TENM2: variants seen among roughly 807,000 people sequenced by gnomAD.
TENM2 encodes the protein teneurin-2.
In TENM2, 52 loss-of-function variants were observed where a neutral mutation model predicts 245.2. The observed-to-expected ratio is 0.21, with a 90% CI of 0.17 to 0.27. The LOEUF (loss-of-function observed/expected upper bound fraction) is 0.27, where lower values mean the gene tolerates loss of function less well. Ranked by LOEUF, TENM2 falls within the 10% of genes least tolerant of loss-of-function variation. The probability of loss-of-function intolerance (pLI) is 1.00; values close to 1 mark genes in which losing one functional copy is unlikely to be tolerated. For missense variants in TENM2, 3,046 were observed against 3,666.8 expected (o/e 0.83, Z 4.37); for synonymous variants, 1,363 against 1,438.9 (o/e 0.95, Z 1.19).
intron 27 of TENM2, among the ~76,000 whole-genome samples, chr5:168,252,646 C>A (rs1490702380): frequency 2.0e-5 from 3 of 151,686 alleles, no homozygotes; most frequent in Non-Finnish European, 4.4e-5. Context: ...TAGTTTGAGA[C>A]CAGCCTGAGT....
At chr5:167,698,258 T>C (rs1387306422) in intron 2 of TENM2, among the ~76,000 whole-genome samples, 6 of 152,250 alleles carry the variant, frequency 3.9e-5, no homozygotes, top group Non-Finnish European at 1.5e-5. Context: ...CATCTCTTTC[T>C]GTAAGATGAT....
intron 1 of TENM2, among the ~76,000 whole-genome samples, chr5:167,294,749 G>A (rs1374432465): frequency 6.6e-6 from 1 of 151,844 alleles, no homozygotes; most frequent in Non-Finnish European, 1.5e-5. Flanking sequence ...ATTTCAGTTT[G>A]CCACAGGCCC....
chr5:168,188,308 A>G (rs769992288), intron 13 of TENM2, among the ~76,000 whole-genome samples: 3 of 152,214 alleles, frequency 2.0e-5, no homozygotes, highest in Admixed American at 1.3e-4. Context: ...GCGTGTTTCC[A>G]TGGTTCTAAT....
chr5:167,345,956 C>G (rs930515884), intron 1 of TENM2, among the ~76,000 whole-genome samples: 1 of 148,846 alleles, frequency 6.7e-6, no homozygotes, highest in Admixed American at 6.7e-5. Context: ...TACCAAATAT[C>G]TGGTCCCTAA....
At chr5:167,405,366 C>T (rs1762574128) in intron 2 of TENM2, among the ~76,000 whole-genome samples, 1 of 152,006 alleles carries the variant, frequency 6.6e-6, no homozygotes, top group South Asian at 2.1e-4. Context: ...AGTTATGTGA[C>T]TTTTGTGATC....
At chr5:167,412,545 T>C (rs1762962428) in intron 2 of TENM2, among the ~76,000 whole-genome samples, 2 of 152,162 alleles carry the variant, frequency 1.3e-5, no homozygotes, top group Non-Finnish European at 2.9e-5. Context: ...TTTGCCGTGA[T>C]AAGATTATCT....
intron 2 of TENM2, among the ~76,000 whole-genome samples, chr5:167,695,972 T>C (rs1372962889): frequency 6.6e-6 from 1 of 151,098 alleles, no homozygotes; most frequent in African/African-American, 2.4e-5. Context: ...AGGTGGAGCT[T>C]GCAGTGAGCC....
chr5:167,369,451 ATTT>A, intron 1 of TENM2, among the ~76,000 whole-genome samples: 1 of 150,282 alleles, frequency 6.7e-6, no homozygotes, highest in Non-Finnish European at 1.5e-5. Context: ...TTGATGAACT[ATTT>A]TTTTTTTGCA....
chr5:167,786,763 C>G (rs1162180990), intron 2 of TENM2, among the ~76,000 whole-genome samples: 1 of 152,192 alleles, frequency 6.6e-6, no homozygotes, highest in East Asian at 1.9e-4. Flanking sequence ...CAGAGCCTGT[C>G]TTTACCACCC....
At position 167,490,268 on chromosome 5, in the gene TENM2, A is replaced by G. The variant is rs190194965; in HGVS notation, c.502+114795A>G. ...GCATATAATAAGTTTTTTTAAATAA[A>G]CTTTTTATTTCAAAATAACTTTAGA... On this transcript the variant is annotated intron_variant, in intron 2 of 28. Transcript: ENST00000518659. Among the ~76,000 whole-genome samples, 5 of 152,270 alleles carry G rather than the reference A, an allele frequency of 3.3e-5. No individual in the cohort carries two copies. The East Asian group carries it at 9.6e-4, about 29-fold the overall frequency.
chr5:167,589,213 A>AT (rs1282977989), intron 2 of TENM2, among the ~76,000 whole-genome samples: 1 of 151,876 alleles, frequency 6.6e-6, no homozygotes, highest in Non-Finnish European at 1.5e-5. Context: ...AAAAAAAAAA[A>AT]AATTAATGAT....
At chr5:167,936,217 C>T (rs1443769091) in intron 3 of TENM2, among the ~76,000 whole-genome samples, 5 of 152,202 alleles carry the variant, frequency 3.3e-5, no homozygotes, top group Non-Finnish European at 7.3e-5. Flanking sequence ...GTTAATGTCT[C>T]AACAAGGTTA....
chr5:166,995,048 A>G, the TENM2 span, among the ~76,000 whole-genome samples: 1 of 152,172 alleles, frequency 6.6e-6, no homozygotes, highest in Non-Finnish European at 1.5e-5. Flanking sequence ...GAGAATGCAC[A>G]AAAAAGATGG....
At chr5:167,406,281 C>T (rs1303184255) in intron 2 of TENM2, among the ~76,000 whole-genome samples, 2 of 152,144 alleles carry the variant, frequency 1.3e-5, no homozygotes, top group African/African-American at 2.4e-5. Context: ...AAATGGAAAT[C>T]AGCTGCTGCT....
chr5:167,005,901 C>T, the TENM2 span, among the ~76,000 whole-genome samples: 1 of 151,890 alleles, frequency 6.6e-6, no homozygotes, highest in South Asian at 2.1e-4. Context: ...ACCTCATGAT[C>T]AGCCCGCCTC....
Position 168,103,102 on chromosome 5 carries a change from A to G in TENM2, c.1813+4975A>G, listed in dbSNP as rs927984969. 4.0e-5 allele frequency among the ~76,000 whole-genome samples: 6 copies of G among 151,494 alleles called. No homozygotes were observed. In the East Asian group the frequency reaches 5.8e-4, roughly 15 times the overall value. ...TGTGTCCATGTGTTCTCATTGTTCA[A>G]TTCCCACCTATGAGCGAGAACATGC... On this transcript the variant is annotated intron_variant, in intron 9 of 28. Transcript: ENST00000518659.
At chr5:167,199,270 T>C in the TENM2 span, among the ~76,000 whole-genome samples, 5 of 152,088 alleles carry the variant, frequency 3.3e-5, no homozygotes, top group Admixed American at 6.6e-5. Flanking sequence ...CATAAAGATG[T>C]GTGAGTACTT....
chr5:167,319,375 A>C (rs533762451), intron 1 of TENM2, among the ~76,000 whole-genome samples: 1 of 152,250 alleles, frequency 6.6e-6, no homozygotes, highest in African/African-American at 2.4e-5. Flanking sequence ...ATTAAATTAG[A>C]AAATCCATGT....
chr5:168,135,069 G>T (rs998518855), intron 12 of TENM2, among the ~76,000 whole-genome samples: 2 of 152,132 alleles, frequency 1.3e-5, no homozygotes, highest in African/African-American at 4.8e-5. Context: ...AAATCATTTA[G>T]GAGACCCAAA....
Sources: gnomAD v4.1 joint callset for allele counts (sites outside exome capture counted in the v4.1 genomes callset) on GRCh38, gnomAD v4.1.1 for gene constraint, MANE v1.5 for transcripts, NCBI Gene and HGNC (gene_info 2026-07-23, HGNC 2026-07-21) for gene names.